The following IGSF10 variants were observed in gnomAD, a reference collection of about 807,000 sequenced individuals.
The protein encoded by IGSF10 is immunoglobulin superfamily member 10, also known as calvaria mechanical force protein 608.
IGSF10 carries 126 observed loss-of-function variants against 128.2 expected under a neutral mutation model. That is an observed-to-expected ratio of 0.98 (90% CI 0.85 to 1.14). The LOEUF (loss-of-function observed/expected upper bound fraction) is 1.14, where lower values mean the gene tolerates loss of function less well. IGSF10 is among the 50% of genes most tolerant of loss of function. The pLI, the probability that IGSF10 is intolerant of heterozygous loss-of-function variation, is 0.00. For missense variants in IGSF10, 3,295 were observed against 3,149.8 expected, an observed-to-expected ratio of 1.05 and a Z score of -1.10; for synonymous variants, 1,185 against 1,146.2, an observed-to-expected ratio of 1.03 and a Z score of -0.68.
the IGSF10 span, among the ~76,000 whole-genome samples, chr3:151,499,987 T>C: frequency 1.3e-5 from 2 of 152,122 alleles, no homozygotes; most frequent in African/African-American, 4.8e-5. Context: ...GTAAACAAGA[T>C]ACAAAGAAAT....
chr3:151,590,644 G>C, the IGSF10 span, among the ~76,000 whole-genome samples: 15 of 152,282 alleles, frequency 9.9e-5, no homozygotes, highest in Non-Finnish European at 2.2e-4. Context: ...TGACCAAGGT[G>C]TTAGGAAAAG....
rs1721092277 is a variant in IGSF10, at chr3:151,444,957, T to G, written c.5024A>C (p.Asn1675Thr). 1 of 1,613,248 alleles carries G rather than the reference T, an allele frequency of 6.2e-7. No individual in the cohort carries two copies. Among genetic ancestry groups the G allele is most frequent in the Non-Finnish European group, 8.5e-7 (1 of 1,179,718 alleles). Residue 1675 changes from asparagine (N) to threonine (T), a missense_variant, in exon 6 of 8, where the codon AAT becomes ACT. Physicochemically the swap from Asn to Thr is moderately conservative, Grantham distance 65. Transcript: ENST00000282466. ...GGTCCAATGAATGGTGGGCAGGGGA[T>G]TTCCAACAGCTTCACAGGGAAGAAA... is the stretch of plus-strand genomic sequence containing the variant. ...DAFLPCEAVGNPLPTIHWTRV... is the reference protein window; with the variant it reads ...DAFLPCEAVGTPLPTIHWTRV...
Position 151,448,938 on chromosome 3 carries a change from T to C in IGSF10, c.1043A>G (p.Glu348Gly). ...AGTATTTAGCACGATGTAGTCATTT[T>C]CTTCAGTGAATGCAATGGGTGATGT... is the stretch of plus-strand genomic sequence containing the variant. Reference protein sequence around the residue: ...SRTSPIAFTEENDYIVLNTSF... With the variant: ...SRTSPIAFTEGNDYIVLNTSF... Residue 348 changes from glutamate to glycine, a missense_variant, in exon 6 of 8, where the codon GAA (glutamate) becomes GGA (glycine). By Grantham distance (98) the Glu-to-Gly change is moderately conservative. Transcript: ENST00000282466. The C allele has an allele frequency of 6.2e-7, 1 of 1,614,264 alleles. No individual in the cohort carries two copies. Among genetic ancestry groups the C allele is most frequent in the Non-Finnish European group, 8.5e-7 (1 of 1,180,052 alleles).
chr3:151,448,725 T>C lies in IGSF10; in HGVS notation c.1256A>G (p.Glu419Gly), dbSNP rs1304132404. ...AGAGGGATCTGCTCTGAGATCTGCC[T>C]CTATGTTGGTAAAAATGTCTTCAGG... is the stretch of plus-strand genomic sequence containing the variant. The part of the protein sequence containing the change: ...PKPEDIFTNI[E>G]ADLRADPSWL... The change falls in exon 6 of 8, where the codon GAG becomes GGG. Residue 419 changes from glutamate (E) to glycine (G), a missense_variant. Coordinates refer to ENST00000282466, the MANE Select transcript of IGSF10 (RefSeq NM_178822.5). The C allele has an allele frequency of 1.7e-5, 28 of 1,613,694 alleles. No homozygotes were observed. Among genetic ancestry groups the C allele is most frequent in the Non-Finnish European group, 2.3e-5 (27 of 1,179,708 alleles).
chr3:151,543,465 TTCTC>T, the IGSF10 span, among the ~76,000 whole-genome samples: 130 of 152,222 alleles, frequency 8.5e-4, no homozygotes, highest in Non-Finnish European at 1.4e-3. Context: ...GCTTAACTCT[TTCTC>T]TCTCTGGGCA....
rs1254293089 is a variant in IGSF10 at position 151,446,650 on chromosome 3, A to G, written c.3331T>C (p.Leu1111=). The G allele has an allele frequency of 4.3e-6, 7 of 1,614,044 alleles. No homozygotes were observed. In the South Asian group the frequency reaches 7.7e-5, roughly 18 times the overall value. Residue 1111 remains leucine, a synonymous_variant, in exon 6 of 8, where the codon TTA becomes CTA. Coordinates refer to ENST00000282466, the MANE Select transcript of IGSF10 (RefSeq NM_178822.5). The part of the protein sequence containing the change: ...ESTTLVQNPL[L]LLENKPSVEK... ...ACACTGGGTTTGTTCTCAAGTAGTAATAGTGGATTCTGGACTAGAGTTGTA... is the reference window on the plus strand; with the variant it reads ...ACACTGGGTTTGTTCTCAAGTAGTAGTAGTGGATTCTGGACTAGAGTTGTA...
At chr3:151,542,557 A>G in the IGSF10 span, among the ~76,000 whole-genome samples, 1 of 152,200 alleles carries the variant, frequency 6.6e-6, no homozygotes, top group African/African-American at 2.4e-5. Flanking sequence ...CTTAAAATTT[A>G]TATTCTGCTG....
At chr3:151,527,897 G>T in the IGSF10 span, among the ~76,000 whole-genome samples, 1 of 151,964 alleles carries the variant, frequency 6.6e-6, no homozygotes, top group Non-Finnish European at 1.5e-5. Flanking sequence ...AGGCTACAGT[G>T]AGCTGTGTTC....
At chr3:151,517,945 C>T in the IGSF10 span, among the ~76,000 whole-genome samples, 5 of 152,038 alleles carry the variant, frequency 3.3e-5, no homozygotes, top group South Asian at 8.3e-4. Flanking sequence ...TCTCACCTTA[C>T]GAACCCCAGA....
At chr3:151,473,433 G>T in the IGSF10 span, among the ~76,000 whole-genome samples, 1 of 152,078 alleles carries the variant, frequency 6.6e-6, no homozygotes, top group African/African-American at 2.4e-5. Flanking sequence ...CTTGATCATT[G>T]CCAATTATAA....
chr3:151,608,280 T>A, the IGSF10 span, among the ~76,000 whole-genome samples: 5 of 152,226 alleles, frequency 3.3e-5, no homozygotes, highest in African/African-American at 1.2e-4. Flanking sequence ...GGCTTCTCTA[T>A]GCTAAAATTC....
chr3:151,508,741 CAA>C, the IGSF10 span, among the ~76,000 whole-genome samples: 2 of 151,842 alleles, frequency 1.3e-5, no homozygotes, highest in Non-Finnish European at 1.5e-5. Flanking sequence ...ATGGAGCATC[CAA>C]AAGAGAGATA....
At chr3:151,515,526 G>A in the IGSF10 span, among the ~76,000 whole-genome samples, 27 of 150,060 alleles carry the variant, frequency 1.8e-4, no homozygotes, top group South Asian at 4.9e-3. Flanking sequence ...GCTAAATGAC[G>A]AGTTAATGGG....
At chr3:151,511,277 T>G in the IGSF10 span, among the ~76,000 whole-genome samples, 1 of 152,166 alleles carries the variant, frequency 6.6e-6, no homozygotes, top group Admixed American at 6.5e-5. Flanking sequence ...TGGCAGAAAC[T>G]CTACAAAGCC....
At chr3:151,604,592 A>AAC in the IGSF10 span, among the ~76,000 whole-genome samples, 4,806 of 144,596 alleles carry the variant, frequency 0.033, 192 homozygotes, top group African/African-American at 0.096. Flanking sequence ...GTACCAATAT[A>AAC]ACACACACAC....
the IGSF10 span, among the ~76,000 whole-genome samples, chr3:151,570,369 T>C: frequency 6.6e-6 from 1 of 152,226 alleles, no homozygotes; most frequent in Non-Finnish European, 1.5e-5. Flanking sequence ...AAAGTGTTCC[T>C]ATTTCTCCAC....
the IGSF10 span, among the ~76,000 whole-genome samples, chr3:151,591,318 G>A: frequency 6.7e-6 from 1 of 149,402 alleles, no homozygotes; most frequent in Non-Finnish European, 1.5e-5. Flanking sequence ...ATCTTAGTAT[G>A]CTACAAATAT....
In IGSF10 at chr3:151,453,604, G is replaced by A. The variant is rs1180969043; in HGVS notation, c.495C>T (p.Leu165=). 1.9e-6 allele frequency: 3 copies of A among 1,614,002 alleles called. No individual in the cohort carries two copies. Among genetic ancestry groups the A allele is most frequent in the South Asian group, 2.2e-5 (2 of 91,072 alleles). Residue 165 remains leucine, a synonymous_variant, in exon 5 of 8, where the codon CTC becomes CTT. Transcript: ENST00000282466. ...CAAATGTATCTGGGTGGAGCTTAGT[G>A]AGCTGATTTCCTTCCAAGTGCACCA... is the stretch of plus-strand genomic sequence containing the variant. ...LRLVHLEGNQ[L]TKLHPDTFVS...
the IGSF10 span, among the ~76,000 whole-genome samples, chr3:151,542,428 C>A: frequency 6.6e-6 from 1 of 152,080 alleles, no homozygotes; most frequent in Non-Finnish European, 1.5e-5. Flanking sequence ...AGCAAGTCTT[C>A]CTCTCATTTC....
Sources: gnomAD v4.1 joint callset for allele counts (sites outside exome capture counted in the v4.1 genomes callset) on GRCh38, gnomAD v4.1.1 for gene constraint, MANE v1.5 for transcripts, NCBI Gene and HGNC (gene_info 2026-07-23, HGNC 2026-07-21) for gene names.